The following ZNF644 variants were observed in gnomAD, a reference collection of about 807,000 sequenced individuals.
The protein encoded by ZNF644 is zinc finger protein 644.
Under a neutral mutation model 108.0 loss-of-function variants are expected in ZNF644, and 20 were observed. That is an observed-to-expected ratio of 0.19 (90% CI 0.13 to 0.27). ZNF644 has a LOEUF of 0.27. Among genes scored for constraint, ZNF644 ranks in the 10% least tolerant of loss-of-function variants. ZNF644 has a pLI of 1.00. For synonymous variants in ZNF644, 542 were observed against 539.1 expected (o/e 1.01, Z -0.08); for missense variants, 1,338 against 1,548.9 (o/e 0.86, Z 2.29).
At chr1:90,974,205 T>C (rs552313258) in intron 2 of ZNF644, among the ~76,000 whole-genome samples, 2 of 151,936 alleles carry the variant, frequency 1.3e-5, no homozygotes, top group East Asian at 3.9e-4. Flanking sequence ...CTGGGCAAGG[T>C]GGTGGGCGCC....
intron 1 of ZNF644, among the ~76,000 whole-genome samples, chr1:91,003,276 C>T (rs1291118990): frequency 5.9e-5 from 9 of 152,178 alleles, no homozygotes; most frequent in Non-Finnish European, 8.8e-5. Flanking sequence ...GACTTGGAAC[C>T]AACCCAAATG....
At chr1:91,005,041 T>C (rs556542856) in intron 1 of ZNF644, among the ~76,000 whole-genome samples, 7 of 152,064 alleles carry the variant, frequency 4.6e-5, no homozygotes, top group African/African-American at 1.7e-4. Context: ...AAAAAGCACA[T>C]AGGCAGAAGG....
intron 4 of ZNF644, among the ~76,000 whole-genome samples, chr1:90,928,004 T>A (rs557289972): frequency 6.8e-6 from 1 of 146,684 alleles, no homozygotes; most frequent in Admixed American, 6.8e-5. Flanking sequence ...CCACCACGCC[T>A]GGCTACTTTT....
At chr1:91,001,349 G>C (rs1361898199) in intron 1 of ZNF644, among the ~76,000 whole-genome samples, 1 of 152,096 alleles carries the variant, frequency 6.6e-6, no homozygotes, top group African/African-American at 2.4e-5. Context: ...GATCAAGTGG[G>C]CTTCATCCCT....
intron 4 of ZNF644, among the ~76,000 whole-genome samples, chr1:90,931,268 A>C (rs1235534501): frequency 6.6e-6 from 1 of 151,984 alleles, no homozygotes; most frequent in Non-Finnish European, 1.5e-5. Context: ...ATAAAATTTC[A>C]ATATTTAATG....
intron 1 of ZNF644, among the ~76,000 whole-genome samples, chr1:91,002,259 C>T (rs574310285): frequency 9.3e-4 from 142 of 152,240 alleles, no homozygotes; most frequent in Non-Finnish European, 1.1e-3. Context: ...GGAGGCATCA[C>T]GCTACCTGAC....
At chr1:90,960,065 G>A (rs1654174010) in intron 2 of ZNF644, among the ~76,000 whole-genome samples, 1 of 152,230 alleles carries the variant, frequency 6.6e-6, no homozygotes, top group South Asian at 2.1e-4. Context: ...TGACTGTCAT[G>A]ATATTGCAGT....
chr1:90,967,194 T>C (rs1654992061), intron 2 of ZNF644, among the ~76,000 whole-genome samples: 1 of 149,420 alleles, frequency 6.7e-6, no homozygotes, highest in South Asian at 2.1e-4. Context: ...TTCCCCAACA[T>C]GTTCCTCTTC....
Position 90,940,122 on chromosome 1 carries a change from G to T in ZNF644, c.1232C>A (p.Pro411His). ...TFSTEEPSFY[P>H]CTKCNVNFRE... ...AAAATTCACATTGCACTTTGTACAG[G>T]GGTAGAATGATGGCTCTTCGGTACT... The change falls in exon 3 of 6, where the codon CCC (proline) becomes CAC (histidine). Residue 411 changes from proline (P) to histidine (H), a missense_variant. Pro to His is a moderately conservative substitution (Grantham distance 77). Around this residue, in one of 6 missense-constraint regions of ZNF644, gnomAD observed 80 missense variants for 183.0 expected, o/e 0.44. Coordinates refer to ENST00000337393, the MANE Select transcript of ZNF644 (RefSeq NM_201269.3). The T allele has an allele frequency of 6.2e-7, 1 of 1,614,032 alleles. No individual in the cohort carries two copies. The highest frequency in any genetic ancestry group is 8.5e-7 in the Non-Finnish European group (1 of 1,179,962).
chr1:90,973,462 T>C (rs1157520075), intron 2 of ZNF644, among the ~76,000 whole-genome samples: 3 of 152,178 alleles, frequency 2.0e-5, no homozygotes, highest in Non-Finnish European at 4.4e-5. Flanking sequence ...TAAACTCGTA[T>C]TTTAGTTTTG....
chr1:91,001,297 G>C (rs879790160), intron 1 of ZNF644, among the ~76,000 whole-genome samples: 1 of 152,120 alleles, frequency 6.6e-6, no homozygotes, highest in African/African-American at 2.4e-5. Context: ...TAAAATACTG[G>C]CAAACCGAAT....
chr1:90,941,987 A>G (rs1218047271), intron 2 of ZNF644, among the ~76,000 whole-genome samples: 2 of 152,192 alleles, frequency 1.3e-5, no homozygotes, highest in Non-Finnish European at 2.9e-5. Context: ...AGTTTTGTTC[A>G]TTCCTTATTC....
At position 90,997,103 on chromosome 1, in the gene ZNF644, C is replaced by T. The variant is rs1212595274; in HGVS notation, c.-17-14733G>A. On this transcript the variant is annotated intron_variant, in intron 1 of 5. Transcript: ENST00000337393. Reference sequence around the variant, plus strand: ...AGACTAAAAGCTTTAAAAAGAAAAGCTGGGGGCTTTGTAAAGCTCCAACAT... The same window carrying T: ...AGACTAAAAGCTTTAAAAAGAAAAGTTGGGGGCTTTGTAAAGCTCCAACAT... 2.0e-5 allele frequency among the ~76,000 whole-genome samples: 3 copies of T among 152,136 alleles called. No individual in the cohort carries two copies. In the East Asian group the frequency reaches 5.8e-4, roughly 29 times the overall value.
chr1:91,009,141 G>A (rs770126382), intron 1 of ZNF644, among the ~76,000 whole-genome samples: 6 of 152,086 alleles, frequency 3.9e-5, no homozygotes, highest in Non-Finnish European at 7.4e-5. Context: ...GGAAAGGAGC[G>A]AAGGGGAAAG....
chr1:90,924,325 C>A (rs1458027633), intron 4 of ZNF644, among the ~76,000 whole-genome samples: 1 of 152,110 alleles, frequency 6.6e-6, no homozygotes, highest in Non-Finnish European at 1.5e-5. Flanking sequence ...TAGGCATTAG[C>A]CATCAACATC....
At chr1:91,015,601 G>A (rs1449046231) in intron 1 of ZNF644, among the ~76,000 whole-genome samples, 1 of 152,176 alleles carries the variant, frequency 6.6e-6, no homozygotes, top group African/African-American at 2.4e-5. Context: ...TCATTAAAAT[G>A]TACTCATTCC....
intron 2 of ZNF644, among the ~76,000 whole-genome samples, chr1:90,967,282 A>T (rs937416478): frequency 7.9e-5 from 12 of 152,052 alleles, no homozygotes; most frequent in Non-Finnish European, 1.3e-4. Flanking sequence ...GTTAACCTTA[A>T]CTCATAATCT....
intron 1 of ZNF644, among the ~76,000 whole-genome samples, chr1:91,001,887 C>T (rs1003112082): frequency 6.6e-5 from 10 of 151,212 alleles, no homozygotes; most frequent in Admixed American, 5.3e-4. Flanking sequence ...TCTTATACAC[C>T]AATAACAGAG....
chr1:90,967,178 C>T (rs1654988139), intron 2 of ZNF644, among the ~76,000 whole-genome samples: 1 of 148,824 alleles, frequency 6.7e-6, no homozygotes, highest in East Asian at 2.0e-4. Context: ...CTGTCCTCCT[C>T]TCAAATTCCC....
Sources: allele counts gnomAD v4.1 joint callset (sites outside exome capture counted in the v4.1 genomes callset), GRCh38; gene constraint gnomAD v4.1.1; regional missense constraint gnomAD v4.1.1; transcripts MANE v1.5; gene names NCBI Gene and HGNC (gene_info 2026-07-23, HGNC 2026-07-21).